The following ZBTB38 variants were observed in gnomAD, a reference collection of about 807,000 sequenced individuals.
The protein encoded by ZBTB38 is zinc finger and BTB domain containing 38, also known as zinc finger and BTB domain-containing protein 38.
Under a neutral mutation model 76.8 loss-of-function variants are expected in ZBTB38, and 20 were observed. The ratio of observed to expected loss-of-function variants is 0.26; its 90% confidence interval spans 0.18 to 0.38. The LOEUF (loss-of-function observed/expected upper bound fraction) is 0.38, where lower values mean the gene tolerates loss of function less well. Ranked by LOEUF, ZBTB38 falls within the 10% of genes least tolerant of loss-of-function variation. The probability of loss-of-function intolerance (pLI) is 1.00; values close to 1 mark genes in which losing one functional copy is unlikely to be tolerated. For synonymous variants in ZBTB38, 504 were observed against 544.2 expected (o/e 0.93, Z 1.03); for missense variants, 1,082 against 1,482.3 (o/e 0.73, Z 4.43).
intron 1 of ZBTB38, among the ~76,000 whole-genome samples, chr3:141,338,647 G>T (rs777658758): frequency 6.6e-5 from 10 of 152,208 alleles, no homozygotes; most frequent in Non-Finnish European, 1.3e-4. Flanking sequence ...CTACTTGACA[G>T]TGGAGGGTAG....
At chr3:141,394,917 T>G (rs1949989977) in intron 4 of ZBTB38, among the ~76,000 whole-genome samples, 1 of 152,216 alleles carries the variant, frequency 6.6e-6, no homozygotes, top group South Asian at 2.1e-4. Context: ...GAGAGTTAAG[T>G]GGTGGAATGA....
intron 1 of ZBTB38, among the ~76,000 whole-genome samples, chr3:141,343,821 C>G (rs753246516): frequency 6.6e-6 from 1 of 152,198 alleles, no homozygotes; most frequent in Admixed American, 6.5e-5. Context: ...GGCTCAGATT[C>G]GTGTTGTTTT....
intron 5 of ZBTB38, among the ~76,000 whole-genome samples, chr3:141,422,153 TG>T (rs1158012926): frequency 6.6e-6 from 1 of 152,228 alleles, no homozygotes; most frequent in Non-Finnish European, 1.5e-5. Context: ...GAAAGCAGAA[TG>T]GGCAGGCTCA....
intron 5 of ZBTB38, among the ~76,000 whole-genome samples, chr3:141,419,448 G>T (rs911598205): frequency 1.3e-5 from 2 of 152,064 alleles, no homozygotes; most frequent in African/African-American, 2.4e-5. Flanking sequence ...ATGAGATGGT[G>T]GTTTATATTT....
chr3:141,433,661 A>G (rs2078107001), intron 5 of ZBTB38, among the ~76,000 whole-genome samples: 1 of 152,236 alleles, frequency 6.6e-6, no homozygotes, highest in Non-Finnish European at 1.5e-5. Context: ...GAGGACTAGT[A>G]CTGTTTTACA....
intron 1 of ZBTB38, among the ~76,000 whole-genome samples, chr3:141,345,711 T>A (rs1221594666): frequency 6.6e-6 from 1 of 151,880 alleles, no homozygotes; most frequent in Non-Finnish European, 1.5e-5. Context: ...GGTGCATGGG[T>A]GTGTGTGTGG....
At chr3:141,399,774 G>A (rs1951300406) in intron 4 of ZBTB38, among the ~76,000 whole-genome samples, 1 of 152,120 alleles carries the variant, frequency 6.6e-6, no homozygotes, top group Non-Finnish European at 1.5e-5. Context: ...AAGAGAAGAC[G>A]TTAGTAAGTG....
At chr3:141,393,801 A>C (rs1189107765) in intron 4 of ZBTB38, among the ~76,000 whole-genome samples, 2 of 152,164 alleles carry the variant, frequency 1.3e-5, no homozygotes, top group African/African-American at 4.8e-5. Flanking sequence ...AAGAAGGCTC[A>C]GGAGAGACCT....
intron 4 of ZBTB38, among the ~76,000 whole-genome samples, chr3:141,393,575 G>C (rs544470702): frequency 3.3e-5 from 5 of 152,340 alleles, no homozygotes; most frequent in Non-Finnish European, 2.9e-5. Context: ...GTGCGGAAGA[G>C]AATGGGGTGG....
intron 5 of ZBTB38, among the ~76,000 whole-genome samples, chr3:141,429,362 CT>C (rs1358271328): frequency 6.7e-6 from 1 of 149,612 alleles, no homozygotes; most frequent in East Asian, 2.0e-4. Flanking sequence ...GGCAGGTTGC[CT>C]TTTGGGGGAT....
chr3:141,334,779 C>A (rs1216445419), intron 1 of ZBTB38, among the ~76,000 whole-genome samples: 1 of 152,148 alleles, frequency 6.6e-6, no homozygotes, highest in Non-Finnish European at 1.5e-5. Context: ...TTGATTCTAA[C>A]CCTGCTGTGC....
intron 1 of ZBTB38, among the ~76,000 whole-genome samples, chr3:141,346,673 T>C (rs2148921722): frequency 6.6e-6 from 1 of 152,266 alleles, no homozygotes; most frequent in African/African-American, 2.4e-5. Flanking sequence ...AGTGCCCAGC[T>C]GGGCTCAGCC....
upstream of ZBTB38, among the ~76,000 whole-genome samples, chr3:141,365,898 AT>A (rs1013539109): frequency 2.0e-5 from 3 of 152,244 alleles, no homozygotes; most frequent in South Asian, 2.1e-4. Context: ...TACCTTAATA[AT>A]TTTTTTTAAA....
intron 1 of ZBTB38, among the ~76,000 whole-genome samples, chr3:141,330,576 C>T (rs1230016269): frequency 1.3e-5 from 2 of 152,248 alleles, no homozygotes. Flanking sequence ...GACCTTGTGT[C>T]AGACACTCAG....
intron 4 of ZBTB38, among the ~76,000 whole-genome samples, chr3:141,400,995 C>G (rs973262208): frequency 2.0e-4 from 31 of 152,204 alleles, no homozygotes; most frequent in African/African-American, 7.5e-4. Flanking sequence ...AACCCTGGTT[C>G]CTAATCCATG....
intron 4 of ZBTB38, among the ~76,000 whole-genome samples, chr3:141,397,283 C>T (rs1446424245): frequency 6.6e-6 from 1 of 152,212 alleles, no homozygotes; most frequent in African/African-American, 2.4e-5. Flanking sequence ...CATTTTTCTT[C>T]TGCAGCTTCC....
intron 5 of ZBTB38, chr3:141,427,833 T>A (rs2150371878): frequency 6.6e-6 from 1 of 152,460 alleles, no homozygotes; most frequent in South Asian, 2.1e-4. Flanking sequence ...TAAACCTACA[T>A]CCTTGTGGTG....
At chr3:141,439,061 TG>T (rs1241439005) in intron 5 of ZBTB38, among the ~76,000 whole-genome samples, 11 of 152,138 alleles carry the variant, frequency 7.2e-5, no homozygotes, top group African/African-American at 2.7e-4. Flanking sequence ...CCAGGGCCTC[TG>T]TAAATAATTG....
intron 4 of ZBTB38, among the ~76,000 whole-genome samples, chr3:141,401,889 C>T (rs955450593): frequency 2.0e-5 from 3 of 152,230 alleles, no homozygotes; most frequent in Non-Finnish European, 4.4e-5. Context: ...CTAGGCCTCT[C>T]TTGACGGCCA....
Sources: gnomAD v4.1 joint callset for allele counts (sites outside exome capture counted in the v4.1 genomes callset) on GRCh38, gnomAD v4.1.1 for gene constraint, MANE v1.5 for transcripts, NCBI Gene and HGNC (gene_info 2026-07-23, HGNC 2026-07-21) for gene names.